SORCS3: variants seen among roughly 807,000 people sequenced by gnomAD.
SORCS3 encodes sortilin related VPS10 domain containing receptor 3.
SORCS3 carries 57 observed loss-of-function variants against 146.3 expected under a neutral mutation model. That is an observed-to-expected ratio of 0.39 (90% confidence interval 0.31 to 0.49). The LOEUF (loss-of-function observed/expected upper bound fraction) is 0.49, where lower values mean the gene tolerates loss of function less well. SORCS3 is among the 20% of genes least tolerant of loss of function. The pLI is 0.92. For synonymous variants in SORCS3, 653 were observed against 618.5 expected, an observed-to-expected ratio of 1.06 and a Z score of -0.83; for missense variants, 1,341 against 1,575.5, an observed-to-expected ratio of 0.85 and a Z score of 2.52.
chr10:104,687,493 A>G (rs974886013), intron 1 of SORCS3, among the ~76,000 whole-genome samples: 6 of 152,194 alleles, frequency 3.9e-5, no homozygotes, highest in Admixed American at 3.9e-4. Context: ...GCCACCCCAA[A>G]CATAAATACA....
At chr10:105,031,332 AACACACACACACAC>A (rs371026666) in intron 4 of SORCS3, among the ~76,000 whole-genome samples, 6 of 113,552 alleles carry the variant, frequency 5.3e-5, no homozygotes, top group African/African-American at 1.5e-4. Context: ...CACACACACA[AACACACACACACAC>A]ACACACACAC....
intron 2 of SORCS3, among the ~76,000 whole-genome samples, chr10:104,874,793 T>A (rs2018554168): frequency 6.6e-6 from 1 of 152,132 alleles, no homozygotes; most frequent in African/African-American, 2.4e-5. Flanking sequence ...CTGCATCACA[T>A]CCTGGGAAAT....
intron 1 of SORCS3, among the ~76,000 whole-genome samples, chr10:104,701,924 T>A (rs189700000): frequency 6.6e-6 from 1 of 152,336 alleles, no homozygotes; most frequent in East Asian, 1.9e-4. Flanking sequence ...TATGTGAGTT[T>A]GTGTGAGGAG....
At chr10:105,133,247 A>T (rs1321632570) in intron 7 of SORCS3, among the ~76,000 whole-genome samples, 1 of 152,230 alleles carries the variant, frequency 6.6e-6, no homozygotes, top group Admixed American at 6.5e-5. Context: ...GTTCTTCACT[A>T]CATCTGTGTT....
intron 9 of SORCS3, among the ~76,000 whole-genome samples, chr10:105,149,445 G>T (rs2056153581): frequency 6.6e-6 from 1 of 152,132 alleles, no homozygotes; most frequent in African/African-American, 2.4e-5. Flanking sequence ...GAGGTGTGGA[G>T]ACTAGTAGAG....
chr10:105,167,320 A>G lies in SORCS3; in HGVS notation c.1872A>G (p.Lys624=), dbSNP rs527613105. Residue 624 remains lysine, a synonymous_variant, in exon 13 of 27, where the codon AAA becomes AAG. Transcript: ENST00000369701. ...GGGGTGGTGCCCTCGTGGCCATGAA[A>G]CACACACCTCTGCCAGTCAGGCATT... The part of the protein sequence containing the change: ...LDWGGALVAM[K]HTPLPVRHLW... 1 of 1,613,390 alleles carries G rather than the reference A, an allele frequency of 6.2e-7. No homozygotes were observed. The highest frequency in any genetic ancestry group is 1.3e-5 in the African/African-American group (1 of 74,980).
intron 13 of SORCS3, among the ~76,000 whole-genome samples, chr10:105,174,186 G>T (rs913611435): frequency 6.6e-6 from 1 of 152,042 alleles, no homozygotes; most frequent in Non-Finnish European, 1.5e-5. Flanking sequence ...ATTTGACTTT[G>T]ATTCTGTAGT....
At chr10:105,105,549 A>G (rs1017365192) in intron 7 of SORCS3, 34 bp downstream of exon 7, 2 of 1,479,216 alleles carry the variant, frequency 1.4e-6, no homozygotes, top group African/African-American at 1.4e-5. Context: ...TGGTAGGAGG[A>G]TGCATCGTTG....
chr10:105,218,477 G>T (rs2056678401), intron 19 of SORCS3, among the ~76,000 whole-genome samples: 1 of 152,174 alleles, frequency 6.6e-6, no homozygotes, highest in Admixed American at 6.5e-5. Context: ...TTCCATTCTG[G>T]TGGGGAAGTG....
At chr10:104,916,781 C>G (rs1157862363) in intron 3 of SORCS3, among the ~76,000 whole-genome samples, 1 of 152,078 alleles carries the variant, frequency 6.6e-6, no homozygotes, top group Non-Finnish European at 1.5e-5. Flanking sequence ...AAAAATGGCA[C>G]CACCAAGCTC....
chr10:104,815,670 C>CT (rs1321997476), intron 1 of SORCS3, among the ~76,000 whole-genome samples: 1 of 138,384 alleles, frequency 7.2e-6, no homozygotes, highest in East Asian at 1.9e-4. Context: ...AATAGACACA[C>CT]TTTTTTTTAA....
At chr10:105,016,153 A>ATTTTTT (rs1242064422) in intron 4 of SORCS3, among the ~76,000 whole-genome samples, 2 of 101,440 alleles carry the variant, frequency 2.0e-5, no homozygotes, top group African/African-American at 1.0e-4. Context: ...ATATATATAT[A>ATTTTTT]TATTTTTTTT....
At chr10:105,120,017 G>C (rs879091072) in intron 7 of SORCS3, among the ~76,000 whole-genome samples, 1 of 152,174 alleles carries the variant, frequency 6.6e-6, no homozygotes, top group Non-Finnish European at 1.5e-5. Flanking sequence ...TGGTTTGACT[G>C]TGTCTTCATC....
intron 1 of SORCS3, among the ~76,000 whole-genome samples, chr10:104,735,375 T>G (rs979214659): frequency 1.3e-5 from 2 of 151,668 alleles, no homozygotes; most frequent in African/African-American, 4.8e-5. Context: ...CCTCAGCTGT[T>G]CACTTTCAGG....
At chr10:104,808,585 A>G (rs2017706502) in intron 1 of SORCS3, among the ~76,000 whole-genome samples, 1 of 152,248 alleles carries the variant, frequency 6.6e-6, no homozygotes, top group Admixed American at 6.5e-5. Flanking sequence ...GGAATCAAAA[A>G]AGAGAATGAG....
intron 7 of SORCS3, among the ~76,000 whole-genome samples, chr10:105,107,313 A>AT (rs34529775): frequency 0.14 from 18,299 of 134,364 alleles, 1,467 homozygotes; most frequent in Middle Eastern, 0.19. Flanking sequence ...TTCTATTTAG[A>AT]TTTTTTTTTT....
intron 20 of SORCS3, among the ~76,000 whole-genome samples, chr10:105,241,556 C>T (rs2056823592): frequency 6.6e-6 from 1 of 152,182 alleles, no homozygotes; most frequent in Non-Finnish European, 1.5e-5. Context: ...GGTACCCACA[C>T]TCGGTGGGTC....
chr10:104,852,805 T>C (rs1303712894), intron 2 of SORCS3, among the ~76,000 whole-genome samples: 8 of 152,214 alleles, frequency 5.3e-5, no homozygotes, highest in Non-Finnish European at 1.2e-4. Context: ...AATTGGAATG[T>C]GCTCTGGCAC....
chr10:104,913,413 G>A (rs77038829), intron 2 of SORCS3, among the ~76,000 whole-genome samples: 1 of 152,200 alleles, frequency 6.6e-6, no homozygotes, highest in African/African-American at 2.4e-5. Flanking sequence ...AGAAAGATTG[G>A]GAGTGATTCC....
Sources: allele counts gnomAD v4.1 joint callset (sites outside exome capture counted in the v4.1 genomes callset), GRCh38; gene constraint gnomAD v4.1.1; transcripts MANE v1.5; gene names NCBI Gene and HGNC (gene_info 2026-07-23, HGNC 2026-07-21).